Variants in RIPK4 observed in about 807,000 individuals in gnomAD.
RIPK4 encodes the protein receptor interacting serine/threonine kinase 4.
In RIPK4, 17 loss-of-function variants were observed where a neutral mutation model predicts 42.9. That is an observed-to-expected ratio of 0.40 (90% confidence interval 0.27 to 0.59). The LOEUF (loss-of-function observed/expected upper bound fraction) is 0.59, where lower values mean the gene tolerates loss of function less well. RIPK4 is among the 20% of genes least tolerant of loss of function. RIPK4 has a pLI of 0.47. For missense variants in RIPK4, 897 were observed against 1,104.4 expected (o/e 0.81, Z 2.66); for synonymous variants, 498 against 499.1 (o/e 1.00, Z 0.03).
In RIPK4 at chr21:41,755,794, C is replaced by T. The variant is rs536631915; in HGVS notation, c.474+731G>A. Among the ~76,000 whole-genome samples the T allele has an allele frequency of 6.6e-6, 1 of 152,344 alleles. No homozygotes were observed. The highest frequency in any genetic ancestry group is 2.4e-5 in the African/African-American group (1 of 41,572). On this transcript the variant is annotated intron_variant, in intron 2 of 7. Coordinates refer to ENST00000332512, the MANE Select transcript of RIPK4 (RefSeq NM_020639.3). This position sits in a 1 kb window ranked among gnomAD's most constrained non-coding sequence, Gnocchi z 4.2. Reference sequence around the variant, plus strand: ...TAACCACCACATGTCAACGACAGTACAACCCTAGCCACGAAGGCCATCAAA... The same window carrying T: ...TAACCACCACATGTCAACGACAGTATAACCCTAGCCACGAAGGCCATCAAA...
Position 41,741,023 on chromosome 21 carries a change from T to G in RIPK4, c.2170A>C (p.Ser724Arg), listed in dbSNP as rs1261306066. ...GHSEVVEELV[S>R]ADVIDLFDEQ... ...TCGAACAGGTCAATGACATCGGCGCTGACCAACTCCTCCACCACCTCCGAG... is the reference window on the plus strand; with the variant it reads ...TCGAACAGGTCAATGACATCGGCGCGGACCAACTCCTCCACCACCTCCGAG... Residue 724 changes from serine (S) to arginine (R), a missense_variant, in exon 8 of 8, where the codon AGC becomes CGC. Coordinates refer to ENST00000332512, the MANE Select transcript of RIPK4 (RefSeq NM_020639.3). 1 of 1,609,618 alleles carries G rather than the reference T, an allele frequency of 6.2e-7. No individual in the cohort carries two copies. Among genetic ancestry groups the G allele is most frequent in the South Asian group, 1.1e-5 (1 of 91,016 alleles).
intron 1 of RIPK4, among the ~76,000 whole-genome samples, chr21:41,758,011 A>AG (rs2061209380): frequency 9.3e-6 from 1 of 108,060 alleles, no homozygotes; most frequent in African/African-American, 4.9e-5. Flanking sequence ...AAAAAAAAAA[A>AG]AAAAAAAAAA....
chr21:41,761,375 C>T (rs1317448188), intron 1 of RIPK4, among the ~76,000 whole-genome samples: 3 of 152,234 alleles, frequency 2.0e-5, no homozygotes, highest in Non-Finnish European at 4.4e-5. Context: ...CGGACTGGGA[C>T]ATGGTACCAG....
At chr21:41,746,554 G>C in intron 5 of RIPK4, 59 bp downstream of exon 5, 2 of 1,587,768 alleles carry the variant, frequency 1.3e-6, no homozygotes, top group Non-Finnish European at 1.7e-6. Context: ...TGTCCTGTCT[G>C]TCACCTCTGT....
At chr21:41,754,760 C>CA (rs3838113) in intron 2 of RIPK4, among the ~76,000 whole-genome samples, 1 of 152,312 alleles carries the variant, frequency 6.6e-6, no homozygotes, top group East Asian at 1.9e-4. Flanking sequence ...CCTCTAGGCC[C>CA]AGCCTGCGGG....
At chr21:41,749,330 G>T in intron 3 of RIPK4, 127 bp from the exon 4 acceptor site, 1 of 858,362 alleles carries the variant, frequency 1.2e-6, no homozygotes. Flanking sequence ...ATGACACCGA[G>T]ATATTTCTCC....
rs1426769436 is a variant in RIPK4, at chr21:41,751,406, C to A, written c.475-161G>T. On this transcript the variant is annotated intron_variant, in intron 2 of 7. Transcript: ENST00000332512. This position sits in a 1 kb window ranked among gnomAD's most constrained non-coding sequence, Gnocchi z 4.5. ...CCTCTCCAGGTAGCCCTGCCCCAGG[C>A]AGGGAGGGAGACAGATTCTGGGGCA... Among the ~76,000 whole-genome samples the A allele has an allele frequency of 1.3e-5, 2 of 152,210 alleles. No individual in the cohort carries two copies. The highest frequency in any genetic ancestry group is 4.8e-5 in the African/African-American group (2 of 41,462).
At chr21:41,764,972 T>A (rs1233530794) in intron 1 of RIPK4, among the ~76,000 whole-genome samples, 2 of 152,188 alleles carry the variant, frequency 1.3e-5, no homozygotes, top group Admixed American at 6.5e-5. Flanking sequence ...GGCTTCCAGT[T>A]AAAGTACAAA....
At chr21:41,749,929 C>T (rs1456965617) in intron 3 of RIPK4, among the ~76,000 whole-genome samples, 8 of 150,334 alleles carry the variant, frequency 5.3e-5, no homozygotes, top group Admixed American at 4.0e-4. Context: ...AACAGAAGTC[C>T]GAAAACTGAG....
In RIPK4 at chr21:41,756,586, G is replaced by T; in HGVS notation, c.413C>A (p.Pro138Gln). ...GMNFLHCMAP[P>Q]LLHLDLKPAN... ...GGGCTTGAGGTCCAGGTGCAGGAGT[G>T]GCGGGGCCATGCAGTGCAGGAAGTT... Residue 138 changes from proline (P) to glutamine (Q), a missense_variant, in exon 2 of 8, where the codon CCA (proline) becomes CAA (glutamine). Pro to Gln is a moderately conservative substitution (Grantham distance 76, BLOSUM62 -1). Transcript: ENST00000332512. 6.2e-7 allele frequency: 1 copy of T among 1,612,892 alleles called. No individual in the cohort carries two copies. Among genetic ancestry groups the T allele is most frequent in the Non-Finnish European group, 8.5e-7 (1 of 1,179,514 alleles).
intron 4 of RIPK4, among the ~76,000 whole-genome samples, chr21:41,747,854 C>T (rs2061176577): frequency 6.6e-6 from 1 of 152,144 alleles, no homozygotes; most frequent in Non-Finnish European, 1.5e-5. Context: ...CCATTTTTGC[C>T]TGAGGTTGCA....
Position 41,741,249 on chromosome 21 carries a change from C to A in RIPK4, c.1944G>T (p.Gly648=). Residue 648 remains glycine (G), a synonymous_variant, in exon 8 of 8, where the codon GGG becomes GGT. Transcript: ENST00000332512. ...QTPLHVAAET[G]HTSTARLLLH... is the part of the protein sequence containing the mutation. ...GGAGCAGCCTGGCAGTGCTCGTGTG[C>A]CCCGTCTCCGCGGCCACGTGCAGGG... 1 of 1,608,914 alleles carries A rather than the reference C, an allele frequency of 6.2e-7. No homozygotes were observed. The highest frequency in any genetic ancestry group is 8.5e-7 in the Non-Finnish European group (1 of 1,179,236).
chr21:41,766,033 T>C (rs2146064650), intron 1 of RIPK4, among the ~76,000 whole-genome samples: 1 of 152,356 alleles, frequency 6.6e-6, no homozygotes, highest in South Asian at 2.1e-4. Flanking sequence ...TACAGGCAGG[T>C]TCCATTCTGA....
At chr21:41,756,939 TG>T in intron 1 of RIPK4, 123 bp from the exon 2 acceptor site, 1 of 942,274 alleles carries the variant, frequency 1.1e-6, no homozygotes, top group South Asian at 1.7e-5. Flanking sequence ...TGCACACACA[TG>T]GGGCACACTT....
chr21:41,743,477 G>C (rs1160262087), intron 7 of RIPK4, among the ~76,000 whole-genome samples: 1 of 152,248 alleles, frequency 6.6e-6, no homozygotes, highest in Non-Finnish European at 1.5e-5. Flanking sequence ...CATATGCGAA[G>C]GCGTGGGTGT....
chr21:41,745,374 G>A (rs562560324), intron 6 of RIPK4, among the ~76,000 whole-genome samples: 6 of 152,334 alleles, frequency 3.9e-5, no homozygotes, highest in Non-Finnish European at 1.5e-5. Context: ...TCATCAGAGT[G>A]CAGACCATTT....
In RIPK4 at chr21:41,767,014, C is replaced by A. The variant is rs749478121; in HGVS notation, c.28G>T (p.Ala10Ser). Residue 10 changes from alanine to serine, a missense_variant, in exon 1 of 8, where the codon GCC becomes TCC. Ala to Ser is a moderately conservative substitution (Grantham distance 99). Transcript: ENST00000332512. This position sits in a 1 kb window ranked among gnomAD's most constrained non-coding sequence, Gnocchi z 4.0. MEGDGGTPW[A>S]LALLRTFDAG... is the part of the protein sequence containing the mutation. ...TCGAAGGTGCGCAGCAGCGCCAGGG[C>A]CCATGGGGTCCCGCCGTCGCCCTCC... 42 of 1,587,306 alleles carry A rather than the reference C, an allele frequency of 2.6e-5. No homozygotes were observed. The highest frequency in any genetic ancestry group is 3.6e-5 in the Non-Finnish European group (42 of 1,169,570).
chr21:41,746,637 G>A lies in RIPK4; in HGVS notation c.808C>T (p.Pro270Ser). ...CCTTGGAAGGTGGGCCTAACTCGCG[G>A]ATCCCCCTGCCAGCACCGCTGCATG... ...RLMQRCWQGD[P>S]RVRPTFQEIT... Residue 270 changes from proline (P) to serine (S), a missense_variant, in exon 5 of 8, where the codon CCG (proline) becomes TCG (serine). Pro to Ser is a moderately conservative substitution (Grantham distance 74). Transcript: ENST00000332512. 6.2e-7 allele frequency: 1 copy of A among 1,610,520 alleles called. No individual in the cohort carries two copies. The highest frequency in any genetic ancestry group is 8.5e-7 in the Non-Finnish European group (1 of 1,179,770).
At chr21:41,765,063 GA>G (rs1184434820) in intron 1 of RIPK4, among the ~76,000 whole-genome samples, 1 of 152,228 alleles carries the variant, frequency 6.6e-6, no homozygotes, top group Non-Finnish European at 1.5e-5. Context: ...GGCCACCCAA[GA>G]AATAAGGGAC....
Sources: allele counts gnomAD v4.1 joint callset (sites outside exome capture counted in the v4.1 genomes callset), GRCh38; gene constraint gnomAD v4.1.1; non-coding constraint Gnocchi (gnomAD v3.1); transcripts MANE v1.5; gene names NCBI Gene and HGNC (gene_info 2026-07-23, HGNC 2026-07-21).